The following AP4S1 variants were observed in gnomAD, a reference collection of about 807,000 sequenced individuals.
The protein encoded by AP4S1 is AP-4 complex subunit sigma-1.
Under a neutral mutation model 19.8 loss-of-function variants are expected in AP4S1, and 23 were observed. The ratio of observed to expected loss-of-function variants is 1.16; its 90% CI spans 0.84 to 1.65. AP4S1 has a LOEUF of 1.65. Ranked by LOEUF, AP4S1 falls within the 40% of genes most tolerant of loss-of-function variation. AP4S1 has a pLI of 0.00. For synonymous variants in AP4S1, 46 were observed against 54.1 expected, an observed-to-expected ratio of 0.85 and a Z score of 0.66; for missense variants, 166 against 172.8, an observed-to-expected ratio of 0.96 and a Z score of 0.22.
At chr14:31,042,092 A>G (rs1885143256) in intron 1 of AP4S1, among the ~76,000 whole-genome samples, 1 of 152,186 alleles carries the variant, frequency 6.6e-6, no homozygotes, top group South Asian at 2.1e-4. Flanking sequence ...CAGCTTCCCA[A>G]AGTGCTGGGA....
chr14:31,026,217 G>C, intron 1 of AP4S1: 2 of 1,385,570 alleles, frequency 1.4e-6, no homozygotes, highest in Non-Finnish European at 1.9e-6. Flanking sequence ...GGCGCAGGGC[G>C]AGACGCCGAC....
At chr14:31,086,671 C>A (rs1594716195) in intron 5 of AP4S1, among the ~76,000 whole-genome samples, 1 of 152,060 alleles carries the variant, frequency 6.6e-6, no homozygotes, top group East Asian at 1.9e-4. Context: ...CCCCTTTGGC[C>A]TCCCAAAGTG....
intron 1 of AP4S1, among the ~76,000 whole-genome samples, chr14:31,041,686 G>A (rs567920798): frequency 6.6e-6 from 1 of 152,198 alleles, no homozygotes; most frequent in East Asian, 1.9e-4. Flanking sequence ...CCAAAAATTT[G>A]ACAAAGAGTT....
At chr14:31,026,061 C>G in intron 1 of AP4S1, 2 of 1,524,546 alleles carry the variant, frequency 1.3e-6, no homozygotes, top group Non-Finnish European at 1.8e-6. Context: ...GGCCGGAGGA[C>G]CCCCGCCGCC....
At chr14:31,036,134 T>A (rs183666073) in intron 1 of AP4S1, among the ~76,000 whole-genome samples, 6,593 of 141,594 alleles carry the variant, frequency 0.047, 450 homozygotes, top group African/African-American at 0.16. Context: ...ATTTTTATTT[T>A]AAAAAAATAA....
chr14:31,068,127 T>A (rs1033327602), intron 2 of AP4S1, among the ~76,000 whole-genome samples: 1 of 152,082 alleles, frequency 6.6e-6, no homozygotes, highest in African/African-American at 2.4e-5. Context: ...CTTGGCCTCC[T>A]AAAGTGCTGG....
intron 1 of AP4S1, among the ~76,000 whole-genome samples, chr14:31,034,166 T>C (rs1884580546): frequency 6.6e-6 from 1 of 151,816 alleles, no homozygotes; most frequent in African/African-American, 2.4e-5. Context: ...CATGGACACC[T>C]GGCCCAGTAA....
intron 1 of AP4S1, among the ~76,000 whole-genome samples, chr14:31,035,929 A>G (rs1884736170): frequency 2.0e-5 from 3 of 151,662 alleles, no homozygotes. Context: ...ACGGGGTTTC[A>G]CCATGTTAGC....
At chr14:31,084,358 A>G (rs1887813960) in intron 5 of AP4S1, among the ~76,000 whole-genome samples, 1 of 152,250 alleles carries the variant, frequency 6.6e-6, no homozygotes, top group Non-Finnish European at 1.5e-5. Flanking sequence ...TAGACTTGGA[A>G]AAATACAGTA....
At chr14:31,038,371 T>C (rs777419274) in intron 1 of AP4S1, among the ~76,000 whole-genome samples, 4 of 152,230 alleles carry the variant, frequency 2.6e-5, no homozygotes, top group Admixed American at 6.5e-5. Context: ...AGGCTCCCTG[T>C]TGAGATCAAT....
intron 5 of AP4S1, among the ~76,000 whole-genome samples, chr14:31,081,040 C>T (rs1012075457): frequency 6.6e-6 from 1 of 152,204 alleles, no homozygotes; most frequent in African/African-American, 2.4e-5. Flanking sequence ...GATCCACCCA[C>T]CTCGGCCTCC....
chr14:31,081,988 C>G (rs1046470816), intron 5 of AP4S1, among the ~76,000 whole-genome samples: 3 of 152,050 alleles, frequency 2.0e-5, no homozygotes, highest in Admixed American at 1.3e-4. Flanking sequence ...TGAGCCACCA[C>G]GTCCGGCCTA....
At chr14:31,058,614 T>G (rs975364546) in intron 1 of AP4S1, among the ~76,000 whole-genome samples, 4 of 150,742 alleles carry the variant, frequency 2.7e-5, no homozygotes, top group Non-Finnish European at 5.9e-5. Context: ...CAGGCCAGAG[T>G]AGGAGTGCAG....
chr14:31,027,648 C>T (rs1171679363), intron 1 of AP4S1, among the ~76,000 whole-genome samples: 1 of 152,066 alleles, frequency 6.6e-6, no homozygotes, highest in African/African-American at 2.4e-5. Context: ...GGCGACAAAG[C>T]GAGACTCCGT....
At chr14:31,025,880 C>G (rs375051003) in intron 1 of AP4S1, 93 bp downstream of exon 1, 113 of 1,590,572 alleles carry the variant, frequency 7.1e-5, no homozygotes, top group Non-Finnish European at 8.8e-5. Flanking sequence ...CCGCAGCTCC[C>G]GCACACCGAC....
chr14:31,090,252 C>G (rs1344152015), intron 5 of AP4S1, among the ~76,000 whole-genome samples: 2 of 152,174 alleles, frequency 1.3e-5, no homozygotes, highest in South Asian at 2.1e-4. Flanking sequence ...TCCCAAAGTG[C>G]TGGGATTACA....
intron 1 of AP4S1, among the ~76,000 whole-genome samples, chr14:31,045,532 C>T (rs1201166909): frequency 6.6e-6 from 1 of 152,124 alleles, no homozygotes; most frequent in Non-Finnish European, 1.5e-5. Flanking sequence ...GCTTCCCCGT[C>T]GCCTTATGCC....
At chr14:31,073,398 G>A (rs1243251396) in intron 4 of AP4S1, among the ~76,000 whole-genome samples, 5 of 135,412 alleles carry the variant, frequency 3.7e-5, no homozygotes, top group Non-Finnish European at 8.2e-5. Context: ...GCTGAGGCAG[G>A]AGAATGGCGT....
intron 1 of AP4S1, among the ~76,000 whole-genome samples, chr14:31,059,995 TTA>T (rs377034420): frequency 8.2e-5 from 6 of 72,934 alleles, no homozygotes; most frequent in African/African-American, 2.8e-4. Context: ...GTATATATAT[TTA>T]TATGTATTTA....
Sources: gnomAD v4.1 joint callset for allele counts (sites outside exome capture counted in the v4.1 genomes callset) on GRCh38, gnomAD v4.1.1 for gene constraint, MANE v1.5 for transcripts, NCBI Gene and HGNC (gene_info 2026-07-23, HGNC 2026-07-21) for gene names.